Variants in DACH1 observed in about 807,000 individuals in gnomAD.
DACH1 encodes the protein dachshund homolog 1.
A neutral mutation model predicts 54.2 loss-of-function variants in DACH1; 12 were observed. The ratio of observed to expected loss-of-function variants is 0.22; its 90% CI spans 0.14 to 0.36. The LOEUF (loss-of-function observed/expected upper bound fraction) is 0.36. Ranked by LOEUF, DACH1 falls within the 10% of genes least tolerant of loss-of-function variation. The pLI is 1.00. For synonymous variants in DACH1, 386 were observed against 366.2 expected, an observed-to-expected ratio of 1.05 and a Z score of -0.62; for missense variants, 805 against 929.8, an observed-to-expected ratio of 0.87 and a Z score of 1.75.
intron 1 of DACH1, among the ~76,000 whole-genome samples, chr13:71,848,212 C>A (rs962253852): frequency 8.2e-6 from 1 of 122,428 alleles, no homozygotes; most frequent in Non-Finnish European, 1.6e-5. Context: ...ATTATCCCCC[C>A]CCAAAAAAAT....
chr13:71,729,506 T>C (rs1026837915), intron 1 of DACH1, among the ~76,000 whole-genome samples: 2 of 152,040 alleles, frequency 1.3e-5, no homozygotes, highest in Non-Finnish European at 2.9e-5. Flanking sequence ...GTAATCAGGA[T>C]TGATATCCAT....
chr13:71,632,348 G>A (rs1345375579), intron 2 of DACH1, among the ~76,000 whole-genome samples: 1 of 150,906 alleles, frequency 6.6e-6, no homozygotes, highest in East Asian at 2.0e-4. Flanking sequence ...ACACTGGAAT[G>A]TATAAATGAT....
At chr13:71,547,234 C>A (rs1252148274) in intron 6 of DACH1, among the ~76,000 whole-genome samples, 1 of 152,062 alleles carries the variant, frequency 6.6e-6, no homozygotes, top group Non-Finnish European at 1.5e-5. Flanking sequence ...CACTCCTCTG[C>A]ATTAATGGAT....
At chr13:71,767,948 T>A (rs1402089589) in intron 1 of DACH1, among the ~76,000 whole-genome samples, 1 of 152,004 alleles carries the variant, frequency 6.6e-6, no homozygotes, top group African/African-American at 2.4e-5. Context: ...AAATAAGATA[T>A]AATTTAGCTC....
At chr13:71,821,928 G>A (rs1888204397) in intron 1 of DACH1, among the ~76,000 whole-genome samples, 1 of 152,044 alleles carries the variant, frequency 6.6e-6, no homozygotes, top group African/African-American at 2.4e-5. Context: ...GGGCGTGGCG[G>A]TGTGTGCCTG....
intron 1 of DACH1, among the ~76,000 whole-genome samples, chr13:71,810,700 A>T (rs1476000913): frequency 6.6e-6 from 1 of 152,186 alleles, no homozygotes; most frequent in Non-Finnish European, 1.5e-5. Context: ...AAAAGCTCAT[A>T]TAGCTTCAAC....
intron 1 of DACH1, among the ~76,000 whole-genome samples, chr13:71,857,676 A>T (rs1874093727): frequency 6.6e-6 from 1 of 151,794 alleles, no homozygotes; most frequent in Non-Finnish European, 1.5e-5. Context: ...AATGTGTGAC[A>T]GGTATTATGA....
chr13:71,464,676 G>A (rs1390445960), intron 10 of DACH1: 2 of 450,208 alleles, frequency 4.4e-6, no homozygotes, highest in Admixed American at 4.9e-5. Context: ...TTGCTTCAGT[G>A]AGATTCATTC....
At chr13:71,660,391 C>T (rs1319424378) in intron 2 of DACH1, among the ~76,000 whole-genome samples, 7 of 151,850 alleles carry the variant, frequency 4.6e-5, no homozygotes, top group Non-Finnish European at 1.0e-4. Flanking sequence ...ATATGTATAC[C>T]CATTTTCAAT....
chr13:71,824,009 A>G (rs981043567), intron 1 of DACH1, among the ~76,000 whole-genome samples: 1 of 151,996 alleles, frequency 6.6e-6, no homozygotes, highest in Non-Finnish European at 1.5e-5. Context: ...GTTTTTCTAT[A>G]TGGAATAGTT....
At chr13:71,707,934 T>C (rs116701348) in intron 1 of DACH1, among the ~76,000 whole-genome samples, 2,991 of 152,160 alleles carry the variant, frequency 0.02, 78 homozygotes, top group African/African-American at 0.056. Context: ...CTTTTATCCT[T>C]GAAAGAGAGC....
chr13:71,532,802 G>T (rs1327525929), intron 6 of DACH1, among the ~76,000 whole-genome samples: 1 of 151,762 alleles, frequency 6.6e-6, no homozygotes, highest in African/African-American at 2.4e-5. Context: ...GGGTAGTTGT[G>T]ATTATATCAA....
intron 3 of DACH1, among the ~76,000 whole-genome samples, chr13:71,622,392 T>C (rs1876313505): frequency 6.6e-6 from 1 of 152,014 alleles, no homozygotes; most frequent in Non-Finnish European, 1.5e-5. Flanking sequence ...TAAAAATATG[T>C]ATTAGCAAAC....
At chr13:71,735,219 A>G in intron 1 of DACH1, among the ~76,000 whole-genome samples, 1 of 149,202 alleles carries the variant, frequency 6.7e-6, no homozygotes, top group Non-Finnish European at 1.5e-5. Context: ...TATATGGGAT[A>G]TACATATGTA....
chr13:71,480,576 G>T (rs1398443845), intron 7 of DACH1, among the ~76,000 whole-genome samples: 1 of 152,130 alleles, frequency 6.6e-6, no homozygotes, highest in African/African-American at 2.4e-5. Context: ...AATACAAAAT[G>T]AGTTTTTGAA....
intron 6 of DACH1, among the ~76,000 whole-genome samples, chr13:71,550,936 C>T (rs61957821): frequency 2.6e-5 from 4 of 151,906 alleles, no homozygotes; most frequent in Non-Finnish European, 2.9e-5. Flanking sequence ...GGAGAAGTTG[C>T]GTGTTAGAGA....
At chr13:71,802,206 C>CT (rs1887315269) in intron 1 of DACH1, among the ~76,000 whole-genome samples, 1 of 151,702 alleles carries the variant, frequency 6.6e-6, no homozygotes, top group Non-Finnish European at 1.5e-5. Context: ...AGATTGTCTG[C>CT]TTTTTTAGCA....
At chr13:71,563,224 T>A (rs2138391035) in intron 4 of DACH1, among the ~76,000 whole-genome samples, 2 of 152,176 alleles carry the variant, frequency 1.3e-5, no homozygotes, top group East Asian at 3.9e-4. Flanking sequence ...TATTCCAAAG[T>A]TCACTCACAT....
chr13:71,444,979 A>G (rs1566263038), intron 10 of DACH1, among the ~76,000 whole-genome samples: 1 of 152,056 alleles, frequency 6.6e-6, no homozygotes, highest in Non-Finnish European at 1.5e-5. Flanking sequence ...ACTTCTCTAC[A>G]AAGAGCTCCA....
Sources: allele counts gnomAD v4.1 joint callset (sites outside exome capture counted in the v4.1 genomes callset), GRCh38; gene constraint gnomAD v4.1.1; transcripts MANE v1.5; gene names NCBI Gene and HGNC (gene_info 2026-07-23, HGNC 2026-07-21).